Variants in AKR1C8 observed in about 807,000 individuals in gnomAD.
AKR1C8 encodes aldo-keto reductase family 1 member C-like protein 1.
At chr10:5,177,896 G>A in the AKR1C8 span, among the ~76,000 whole-genome samples, 1 of 152,026 alleles carries the variant, frequency 6.6e-6, no homozygotes, top group Non-Finnish European at 1.5e-5. Context: ...CTGGCTAGTG[G>A]TCTATAAATT....
the AKR1C8 span, among the ~76,000 whole-genome samples, chr10:5,146,115 G>A: frequency 7.8e-4 from 115 of 147,414 alleles, no homozygotes; most frequent in Middle Eastern, 3.6e-3. Flanking sequence ...ACCAAACACC[G>A]CATATTCTCA....
the AKR1C8 span, among the ~76,000 whole-genome samples, chr10:5,166,294 G>T: frequency 1.2e-4 from 18 of 151,908 alleles, no homozygotes; most frequent in African/African-American, 4.4e-4. Flanking sequence ...CTACTTTAAA[G>T]TTCATATGGA....
At chr10:5,117,292 C>A in the AKR1C8 span, among the ~76,000 whole-genome samples, 1 of 152,120 alleles carries the variant, frequency 6.6e-6, no homozygotes, top group Non-Finnish European at 1.5e-5. Flanking sequence ...ACTTGAGCTG[C>A]CCTCAGATAA....
the AKR1C8 span, among the ~76,000 whole-genome samples, chr10:5,129,653 C>A: frequency 6.6e-6 from 1 of 151,786 alleles, no homozygotes; most frequent in African/African-American, 2.4e-5. Context: ...TTTATGTGCA[C>A]AAACTGTAAA....
At chr10:5,173,988 T>C in the AKR1C8 span, among the ~76,000 whole-genome samples, 1 of 151,950 alleles carries the variant, frequency 6.6e-6, no homozygotes, top group Non-Finnish European at 1.5e-5. Flanking sequence ...AGAAAAACCA[T>C]ATATACACAT....
chr10:5,149,805 TG>T, the AKR1C8 span, among the ~76,000 whole-genome samples: 1 of 152,184 alleles, frequency 6.6e-6, no homozygotes, highest in East Asian at 1.9e-4. Flanking sequence ...TGAATAACTA[TG>T]TTGCCATAAA....
the AKR1C8 span, among the ~76,000 whole-genome samples, chr10:5,147,255 A>C: frequency 6.6e-6 from 1 of 152,170 alleles, no homozygotes; most frequent in Non-Finnish European, 1.5e-5. Flanking sequence ...CAAGCCACTC[A>C]TGATGGATCT....
At chr10:5,155,688 C>CAT in the AKR1C8 span, 3 of 472,364 alleles carry the variant, frequency 6.4e-6, no homozygotes, top group African/African-American at 6.0e-5. Flanking sequence ...TGTAACTTGT[C>CAT]ATATCGGAGA....
At chr10:5,123,623 A>AG in the AKR1C8 span, 2 of 1,246,080 alleles carry the variant, frequency 1.6e-6, no homozygotes. Context: ...TAACTCACTG[A>AG]GAGTAAACTC....
chr10:5,174,292 ACT>A, the AKR1C8 span, among the ~76,000 whole-genome samples: 1 of 114,026 alleles, frequency 8.8e-6, no homozygotes, highest in Non-Finnish European at 1.8e-5. Context: ...AAAAAAAAAA[ACT>A]CTAATTAATT....
At chr10:5,136,142 G>T in the AKR1C8 span, among the ~76,000 whole-genome samples, 1 of 152,100 alleles carries the variant, frequency 6.6e-6, no homozygotes. Context: ...TACATAATTT[G>T]TGATCCTGTT....
the AKR1C8 span, among the ~76,000 whole-genome samples, chr10:5,161,436 G>A: frequency 6.6e-6 from 1 of 152,168 alleles, no homozygotes; most frequent in African/African-American, 2.4e-5. Context: ...TCTCTCTTTT[G>A]TTGGGCTGAA....
At chr10:5,133,410 A>G in the AKR1C8 span, among the ~76,000 whole-genome samples, 8 of 152,166 alleles carry the variant, frequency 5.3e-5, no homozygotes, top group Non-Finnish European at 1.2e-4. Context: ...TATTTTTAAT[A>G]TAGTGAAATT....
the AKR1C8 span, among the ~76,000 whole-genome samples, chr10:5,127,722 C>CAAAAAAA: frequency 7.5e-5 from 6 of 79,660 alleles, no homozygotes; most frequent in East Asian, 3.7e-4. Context: ...AAGACTCTGT[C>CAAAAAAA]AAAAAAAAAA....
chr10:5,129,730 A>C, the AKR1C8 span, among the ~76,000 whole-genome samples: 1 of 152,104 alleles, frequency 6.6e-6, no homozygotes. Context: ...GAAGAAATAG[A>C]AAACCAGAAC....
chr10:5,173,134 G>A, the AKR1C8 span, among the ~76,000 whole-genome samples: 6 of 152,072 alleles, frequency 3.9e-5, no homozygotes, highest in African/African-American at 1.4e-4. Flanking sequence ...GCTACCAGAA[G>A]TTATTTTAGG....
the AKR1C8 span, among the ~76,000 whole-genome samples, chr10:5,171,682 T>C: frequency 6.6e-6 from 1 of 152,180 alleles, no homozygotes; most frequent in South Asian, 2.1e-4. Context: ...AAAGAGCAGG[T>C]TAGTGCTTTA....
At chr10:5,119,201 G>T in the AKR1C8 span, among the ~76,000 whole-genome samples, 2 of 152,240 alleles carry the variant, frequency 1.3e-5, no homozygotes, top group East Asian at 1.9e-4. Context: ...ATAAAGTTTT[G>T]CTAGATGAAT....
chr10:5,137,193 A>G, the AKR1C8 span, among the ~76,000 whole-genome samples: 1 of 152,288 alleles, frequency 6.6e-6, no homozygotes, highest in Admixed American at 6.5e-5. Context: ...CCATTCCAAG[A>G]TGGCTGAATA....
Sources: gnomAD v4.1 joint callset for allele counts (sites outside exome capture counted in the v4.1 genomes callset) on GRCh38, gnomAD v4.1.1 for gene constraint, MANE v1.5 for transcripts, NCBI Gene and HGNC (gene_info 2026-07-23, HGNC 2026-07-21) for gene names.